RHOF: variants seen among roughly 807,000 people sequenced by gnomAD.
RHOF encodes the protein rho-related GTP-binding protein RhoF.
Under a neutral mutation model 22.2 loss-of-function variants are expected in RHOF, and 21 were observed. The ratio of observed to expected loss-of-function variants is 0.95; its 90% CI spans 0.67 to 1.36. The LOEUF is 1.36. Ranked by LOEUF, RHOF falls within the 40% of genes most tolerant of loss-of-function variation. The probability of loss-of-function intolerance (pLI) is 0.00; values close to 1 mark genes in which losing one functional copy is unlikely to be tolerated. For missense variants in RHOF, 285 were observed against 293.7 expected, an observed-to-expected ratio of 0.97 and a Z score of 0.22; for synonymous variants, 135 against 131.2, an observed-to-expected ratio of 1.03 and a Z score of -0.20.
At chr12:121,793,409 C>T (rs1429524419) in intron 1 of RHOF, 87 bp downstream of exon 1, 2 of 1,506,698 alleles carry the variant, frequency 1.3e-6, no homozygotes, top group East Asian at 2.5e-5. Flanking sequence ...TGTCCGTGCT[C>T]GGGACGCTGG....
At chr12:121,786,576 C>T (rs1381730305) in intron 2 of RHOF, among the ~76,000 whole-genome samples, 3 of 152,176 alleles carry the variant, frequency 2.0e-5, no homozygotes, top group Non-Finnish European at 4.4e-5. Flanking sequence ...CTCCAGAAGG[C>T]TCTTTCAACA....
At chr12:121,780,420 A>T (rs887900553) in intron 4 of RHOF, 7 of 222,334 alleles carry the variant, frequency 3.1e-5, no homozygotes, top group Non-Finnish European at 6.2e-5. Flanking sequence ...CATTCCTTTT[A>T]TTCTGTTTAT....
chr12:121,788,400 C>T (rs1038584011), intron 2 of RHOF, among the ~76,000 whole-genome samples: 22 of 152,032 alleles, frequency 1.4e-4, no homozygotes, highest in African/African-American at 5.3e-4. Flanking sequence ...GCACCTCCTC[C>T]AGGTTGCCTT....
intron 2 of RHOF, among the ~76,000 whole-genome samples, chr12:121,786,911 A>T (rs7300684): frequency 6.6e-6 from 1 of 151,988 alleles, no homozygotes; most frequent in African/African-American, 2.4e-5. Flanking sequence ...GGGGCCAGGC[A>T]CGTGTAGTCC....
chr12:121,783,830 C>T (rs1874539414), intron 2 of RHOF, among the ~76,000 whole-genome samples: 1 of 152,126 alleles, frequency 6.6e-6, no homozygotes, highest in Non-Finnish European at 1.5e-5. Flanking sequence ...TCTTGAACTC[C>T]TGACCTCAGG....
intron 2 of RHOF, among the ~76,000 whole-genome samples, chr12:121,789,217 G>A (rs548154906): frequency 7.9e-4 from 119 of 149,714 alleles, no homozygotes; most frequent in African/African-American, 2.7e-3. Flanking sequence ...GTGACAGAGC[G>A]AGACCCTGTC....
Position 121,780,524 on chromosome 12 carries a change from C to T in RHOF, c.471+348G>A, listed in dbSNP as rs918463985. On this transcript the variant is annotated intron_variant, in intron 4 of 4. Coordinates refer to ENST00000267205, the MANE Select transcript of RHOF (RefSeq NM_019034.3). ...AGGCAGACAGGACACGACAGGACGGCGGCTCATAGCACAGACTTTGGATTG... is the reference window on the plus strand; with the variant it reads ...AGGCAGACAGGACACGACAGGACGGTGGCTCATAGCACAGACTTTGGATTG... 23 of 432,640 alleles carry T rather than the reference C, an allele frequency of 5.3e-5. 1 individual carries two copies. The highest frequency in any genetic ancestry group is 4.5e-4 in the South Asian group (8 of 17,862). The allele number at this position is 432,640 out of a possible 1,614,324, so 26.8% of individuals were successfully genotyped here. A position where few individuals can be genotyped will look rare whatever the true frequency, so the allele number is the denominator to read the frequency against.
At chr12:121,788,715 C>G (rs1482977093) in intron 2 of RHOF, among the ~76,000 whole-genome samples, 3 of 152,050 alleles carry the variant, frequency 2.0e-5, no homozygotes, top group African/African-American at 7.3e-5. Flanking sequence ...GGGGTGATAA[C>G]AGTGATAACC....
intron 2 of RHOF, among the ~76,000 whole-genome samples, chr12:121,788,684 C>G (rs946268803): frequency 2.0e-5 from 3 of 152,252 alleles, no homozygotes; most frequent in African/African-American, 7.2e-5. Flanking sequence ...CTCTGGGTGT[C>G]AATTTCCTTA....
At position 121,793,156 on chromosome 12, in the gene RHOF, C is replaced by T; in HGVS notation, c.222G>A (p.Thr74=). 1 of 1,550,012 alleles carries T rather than the reference C, an allele frequency of 6.5e-7. No homozygotes were observed. Among genetic ancestry groups the T allele is most frequent in the Non-Finnish European group, 8.7e-7 (1 of 1,146,714 alleles). ...SKEVTLNLYD[T]AGQEDYDRLR... Reference sequence around the variant, plus strand: ...CCGGCGCGCAGGCGCACTCACCGGCCGTGTCGTAGAGGTTCAGGGTCACCT... The same window carrying T: ...CCGGCGCGCAGGCGCACTCACCGGCTGTGTCGTAGAGGTTCAGGGTCACCT... The change falls in exon 2 of 5, where the codon ACG becomes ACA. Residue 74 remains threonine, a synonymous_variant. Coordinates refer to ENST00000267205, the MANE Select transcript of RHOF (RefSeq NM_019034.3).
intron 2 of RHOF, among the ~76,000 whole-genome samples, chr12:121,786,001 G>A (rs549549507): frequency 2.2e-4 from 34 of 151,864 alleles, no homozygotes; most frequent in African/African-American, 7.3e-4. Flanking sequence ...TGCAAACTCC[G>A]CCTTCTGGGT....
In RHOF at chr12:121,777,815, C is replaced by A. The variant is rs1592953390; in HGVS notation, c.*1683G>T. The stretch of plus-strand genomic sequence containing the variant: ...GCTGTGGCCAGATGTGGCCCACAGG[C>A]TGTAGTTGTTGGACCTCTACCGTAG... On this transcript the variant is annotated 3_prime_UTR_variant, in exon 5 of 5. Coordinates refer to ENST00000267205, the MANE Select transcript of RHOF (RefSeq NM_019034.3). 2 of 152,340 alleles carry A rather than the reference C, an allele frequency of 1.3e-5. No homozygotes were observed. Among genetic ancestry groups the A allele is most frequent in the Non-Finnish European group, 2.9e-5 (2 of 68,048 alleles). 9.4% of individuals were successfully genotyped at this position (152,340 alleles called of 1,614,324 possible). A position where few individuals can be genotyped will look rare whatever the true frequency, so the allele number is the denominator to read the frequency against.
At chr12:121,790,591 TTCC>T (rs1433495517) in intron 2 of RHOF, among the ~76,000 whole-genome samples, 2 of 152,218 alleles carry the variant, frequency 1.3e-5, no homozygotes, top group Non-Finnish European at 2.9e-5. Flanking sequence ...ACCAGGGGAT[TTCC>T]TCCTATGAGC....
In RHOF at chr12:121,793,208, G is replaced by T; in HGVS notation, c.170C>A (p.Thr57Lys). ...HYAPSVFEKY[T>K]ASVTVGSKEV... Reference sequence around the variant, plus strand: ...CTTGCTGCCAACGGTCACGCTGGCCGTGTACTTCTCGAACACCGATGGGGC... The same window carrying T: ...CTTGCTGCCAACGGTCACGCTGGCCTTGTACTTCTCGAACACCGATGGGGC... Residue 57 changes from threonine (T) to lysine (K), a missense_variant, in exon 2 of 5, where the codon ACG becomes AAG. Thr to Lys is a moderately conservative substitution (Grantham distance 78, BLOSUM62 -1). Coordinates refer to ENST00000267205, the MANE Select transcript of RHOF (RefSeq NM_019034.3). The T allele has an allele frequency of 6.4e-7, 1 of 1,550,940 alleles. No individual in the cohort carries two copies. Among genetic ancestry groups the T allele is most frequent in the Non-Finnish European group, 8.7e-7 (1 of 1,146,850 alleles).
chr12:121,782,030 A>G (rs528307200), intron 2 of RHOF: 2 of 152,266 alleles, frequency 1.3e-5, no homozygotes, highest in African/African-American at 4.8e-5. Context: ...TTGTATTGAC[A>G]GTTTCAAACT....
At position 121,793,487 on chromosome 12, in the gene RHOF, G is replaced by A. The variant is rs1041890795; in HGVS notation, c.138+9C>T. The A allele has an allele frequency of 1.3e-6, 2 of 1,540,728 alleles. No individual in the cohort carries two copies. Among genetic ancestry groups the A allele is most frequent in the Admixed American group, 2.0e-5 (1 of 50,996 alleles). On this transcript the variant is annotated intron_variant, in intron 1 of 4. Coordinates refer to ENST00000267205, the MANE Select transcript of RHOF (RefSeq NM_019034.3). ...CTCGCCCCCACCCCAGCCCCGCTGC[G>A]GGCCTCACCTCGGGGAAGGAGCCCT...
chr12:121,793,107 C>A (rs1247175107), intron 2 of RHOF, 45 bp downstream of exon 2: 1 of 1,506,416 alleles, frequency 6.6e-7, no homozygotes. Flanking sequence ...GGAAACCCTT[C>A]GGGCGGGCGG....
At chr12:121,793,285 G>A in intron 1 of RHOF, 46 bp from the exon 2 acceptor site, 3 of 1,515,786 alleles carry the variant, frequency 2.0e-6, no homozygotes, top group East Asian at 2.5e-5. Context: ...GCCGGCGGGG[G>A]CCAAAGTTCC....
At chr12:121,790,400 CCT>C (rs1451038505) in intron 2 of RHOF, among the ~76,000 whole-genome samples, 8 of 152,288 alleles carry the variant, frequency 5.3e-5, no homozygotes, top group Admixed American at 3.9e-4. Context: ...TTGGCCTTTG[CCT>C]CTCTCTACGT....
Sources: gnomAD v4.1 joint callset for allele counts (sites outside exome capture counted in the v4.1 genomes callset) on GRCh38, gnomAD v4.1.1 for gene constraint, MANE v1.5 for transcripts, NCBI Gene and HGNC (gene_info 2026-07-23, HGNC 2026-07-21) for gene names.